The following TENM3 variants were observed in gnomAD, a reference collection of about 807,000 sequenced individuals.
The protein encoded by TENM3 is teneurin transmembrane protein 3.
TENM3 carries 63 observed loss-of-function variants against 255.1 expected under a neutral mutation model. That is an observed-to-expected ratio of 0.25 (90% CI 0.20 to 0.30). The LOEUF is 0.30. Ranked by LOEUF, TENM3 falls within the 10% of genes least tolerant of loss-of-function variation. The probability of loss-of-function intolerance (pLI) is 1.00; values close to 1 mark genes in which losing one functional copy is unlikely to be tolerated. For missense variants in TENM3, 2,929 were observed against 3,461.1 expected (o/e 0.85, Z 3.86); for synonymous variants, 1,306 against 1,322.3 (o/e 0.99, Z 0.27).
chr4:181,984,881 G>A, the TENM3 span, among the ~76,000 whole-genome samples: 185 of 146,460 alleles, frequency 1.3e-3, 11 homozygotes, highest in South Asian at 0.042. Flanking sequence ...ACTGCTGTAT[G>A]AAAATAAAAA....
At chr4:181,976,507 T>A in the TENM3 span, 1 of 152,256 alleles carries the variant, frequency 6.6e-6, no homozygotes, top group Non-Finnish European at 1.5e-5. Context: ...GGGTAGGACT[T>A]CAGCATCTTC....
At chr4:181,945,358 A>G in the TENM3 span, among the ~76,000 whole-genome samples, 1 of 152,148 alleles carries the variant, frequency 6.6e-6, no homozygotes, top group Non-Finnish European at 1.5e-5. Flanking sequence ...CATAAGCAGG[A>G]GCGACTGCTG....
the TENM3 span, among the ~76,000 whole-genome samples, chr4:181,860,414 C>T: frequency 6.6e-6 from 1 of 152,162 alleles, no homozygotes; most frequent in Non-Finnish European, 1.5e-5. Flanking sequence ...TTTTCTAACG[C>T]TCCTTCGCCA....
At chr4:181,786,920 C>G in the TENM3 span, among the ~76,000 whole-genome samples, 1 of 152,100 alleles carries the variant, frequency 6.6e-6, no homozygotes, top group Non-Finnish European at 1.5e-5. Context: ...CAAAAGCACA[C>G]GGGGATAACT....
chr4:181,803,947 AAAAAAAG>A, the TENM3 span, among the ~76,000 whole-genome samples: 91 of 141,860 alleles, frequency 6.4e-4, 1 homozygote, highest in Admixed American at 1.5e-3. Context: ...AACAAAAAAA[AAAAAAAG>A]AAAGAAAGAA....
chr4:182,726,165 A>T (rs888300759), intron 13 of TENM3, among the ~76,000 whole-genome samples: 2 of 152,156 alleles, frequency 1.3e-5, no homozygotes, highest in African/African-American at 4.8e-5. Flanking sequence ...AAAAGAGTCC[A>T]ACTTTATAAA....
chr4:182,005,841 G>A, the TENM3 span, among the ~76,000 whole-genome samples: 3 of 152,058 alleles, frequency 2.0e-5, no homozygotes, highest in African/African-American at 7.2e-5. Flanking sequence ...AATGTGAATG[G>A]GAGTTCATTC....
At chr4:181,914,257 T>G in the TENM3 span, among the ~76,000 whole-genome samples, 1 of 152,146 alleles carries the variant, frequency 6.6e-6, no homozygotes. Flanking sequence ...AGGTCCTAAT[T>G]TTTAATACCT....
intron 3 of TENM3, among the ~76,000 whole-genome samples, chr4:182,446,718 C>A (rs1772942787): frequency 6.6e-6 from 1 of 152,000 alleles, no homozygotes; most frequent in Admixed American, 6.6e-5. Context: ...CCTCCATCTC[C>A]CAAAATGCTG....
At chr4:182,715,297 A>C (rs1406606470) in intron 13 of TENM3, among the ~76,000 whole-genome samples, 1 of 152,212 alleles carries the variant, frequency 6.6e-6, no homozygotes, top group Non-Finnish European at 1.5e-5. Context: ...CTGCCACTCC[A>C]CCAGCCCCAA....
intron 2 of TENM3, among the ~76,000 whole-genome samples, chr4:182,344,128 C>T (rs1764651109): frequency 6.6e-6 from 1 of 151,968 alleles, no homozygotes; most frequent in Non-Finnish European, 1.5e-5. Context: ...GTCACATTTA[C>T]ATAAACCATC....
chr4:182,122,103 A>G, the TENM3 span, among the ~76,000 whole-genome samples: 1 of 152,208 alleles, frequency 6.6e-6, no homozygotes, highest in Non-Finnish European at 1.5e-5. Flanking sequence ...TTCAAGTTTG[A>G]TCATGAGATT....
At chr4:181,644,540 A>T in the TENM3 span, among the ~76,000 whole-genome samples, 2 of 151,732 alleles carry the variant, frequency 1.3e-5, no homozygotes, top group Admixed American at 1.3e-4. Flanking sequence ...CTGCTTTCTC[A>T]CCCACTTGTA....
At chr4:181,474,465 G>T in the TENM3 span, among the ~76,000 whole-genome samples, 2 of 151,984 alleles carry the variant, frequency 1.3e-5, no homozygotes, top group East Asian at 1.9e-4. Context: ...GGCTGGGCAC[G>T]GTGACTCACG....
chr4:181,626,418 A>G, the TENM3 span, among the ~76,000 whole-genome samples: 5 of 152,320 alleles, frequency 3.3e-5, no homozygotes, highest in South Asian at 1.0e-3. Flanking sequence ...ATCATTTATA[A>G]AGAAAAGAGG....
intron 1 of TENM3, among the ~76,000 whole-genome samples, chr4:182,254,056 A>T (rs1424777911): frequency 6.6e-6 from 1 of 152,136 alleles, no homozygotes; most frequent in East Asian, 1.9e-4. Context: ...ACAGAAAAGG[A>T]TGTTTTAATT....
chr4:182,510,120 T>G (rs955700812), intron 3 of TENM3, among the ~76,000 whole-genome samples: 6 of 152,150 alleles, frequency 3.9e-5, no homozygotes, highest in African/African-American at 1.4e-4. Flanking sequence ...TCCACCAAGT[T>G]TTAGCCTCCA....
intron 1 of TENM3, among the ~76,000 whole-genome samples, chr4:182,219,669 C>CA (rs149956125): frequency 0.064 from 9,753 of 151,340 alleles, 421 homozygotes; most frequent in Non-Finnish European, 0.094. Context: ...TCTCCAAAAA[C>CA]AAAAAAAAGA....
At chr4:181,870,973 G>A in the TENM3 span, among the ~76,000 whole-genome samples, 1 of 151,928 alleles carries the variant, frequency 6.6e-6, no homozygotes, top group Non-Finnish European at 1.5e-5. Flanking sequence ...GGGTTGAAAT[G>A]CATTTATTTT....
Sources: allele counts gnomAD v4.1 joint callset (sites outside exome capture counted in the v4.1 genomes callset), GRCh38; gene constraint gnomAD v4.1.1; transcripts MANE v1.5; gene names NCBI Gene and HGNC (gene_info 2026-07-23, HGNC 2026-07-21).